MSRB3: variants seen among roughly 807,000 people sequenced by gnomAD.
MSRB3 encodes the protein methionine-R-sulfoxide reductase B3.
In MSRB3, 13 loss-of-function variants were observed where a neutral mutation model predicts 21.0. The ratio of observed to expected loss-of-function variants is 0.62; its 90% CI spans 0.40 to 0.98. The LOEUF is 0.98. Ranked by LOEUF, MSRB3 falls within the 50% of genes least tolerant of loss-of-function variation. The probability of loss-of-function intolerance (pLI) is 0.00; values close to 1 mark genes in which losing one functional copy is unlikely to be tolerated. For synonymous variants in MSRB3, 87 were observed against 88.6 expected, an observed-to-expected ratio of 0.98 and a Z score of 0.10; for missense variants, 199 against 230.3, an observed-to-expected ratio of 0.86 and a Z score of 0.88.
Position 65,331,433 on chromosome 12 carries a change from G to A in MSRB3, c.263+2830G>A, listed in dbSNP as rs572562843. The stretch of plus-strand genomic sequence containing the variant: ...CCCCTCCGTACACACAGGGCTGAGG[G>A]CTAGACCTTGTTGGAGAGGGCATGG... On this transcript the variant is annotated intron_variant, in intron 4 of 6. Coordinates refer to ENST00000308259, the MANE Select transcript of MSRB3 (RefSeq NM_001031679.3). 4.6e-5 allele frequency among the ~76,000 whole-genome samples: 7 copies of A among 152,336 alleles called. No homozygotes were observed. The East Asian group carries it at 1.3e-3, about 29-fold the overall frequency.
intron 2 of MSRB3, among the ~76,000 whole-genome samples, chr12:65,324,086 G>C (rs189097765): frequency 6.6e-6 from 1 of 152,190 alleles, no homozygotes; most frequent in Non-Finnish European, 1.5e-5. Flanking sequence ...ATAATCACTA[G>C]TATTTCTTAA....
chr12:65,391,491 T>A (rs1194210350), intron 5 of MSRB3, among the ~76,000 whole-genome samples: 1 of 152,154 alleles, frequency 6.6e-6, no homozygotes, highest in African/African-American at 2.4e-5. Flanking sequence ...ATTTCTGACT[T>A]TACAGATGTA....
intron 5 of MSRB3, among the ~76,000 whole-genome samples, chr12:65,442,002 A>G (rs1882404450): frequency 6.6e-6 from 1 of 152,100 alleles, no homozygotes; most frequent in African/African-American, 2.4e-5. Context: ...TTCTAAAGAT[A>G]GTTGAAAACT....
intron 5 of MSRB3, among the ~76,000 whole-genome samples, chr12:65,381,683 TAA>T (rs1259871552): frequency 6.6e-6 from 1 of 152,102 alleles, no homozygotes; most frequent in Non-Finnish European, 1.5e-5. Context: ...GAACATTTTA[TAA>T]GAGGTTCTTT....
At chr12:65,328,445 A>T in intron 3 of MSRB3, 81 bp from the exon 4 acceptor site, 1 of 994,522 alleles carries the variant, frequency 1.0e-6, no homozygotes, top group Non-Finnish European at 1.6e-6. Flanking sequence ...AAGATTTATT[A>T]GAGAAATATA....
chr12:65,384,021 T>C (rs1281936954), intron 5 of MSRB3, among the ~76,000 whole-genome samples: 1 of 152,228 alleles, frequency 6.6e-6, no homozygotes, highest in Non-Finnish European at 1.5e-5. Context: ...TTACTATACA[T>C]GGCTGTATAT....
At chr12:65,421,161 C>T (rs11175760) in intron 5 of MSRB3, among the ~76,000 whole-genome samples, 2,093 of 152,274 alleles carry the variant, frequency 0.014, 45 homozygotes, top group African/African-American at 0.048. Context: ...TCCTTTCTGA[C>T]TCATGTGAGG....
chr12:65,371,199 A>G (rs10784446), intron 5 of MSRB3, among the ~76,000 whole-genome samples: 99,238 of 151,676 alleles, frequency 0.65, 32,580 homozygotes, highest in Admixed American at 0.72. Context: ...GTGGTGGCAC[A>G]TGCCTGTAGT....
At chr12:65,406,355 A>G (rs1272929023) in intron 5 of MSRB3, among the ~76,000 whole-genome samples, 1 of 152,238 alleles carries the variant, frequency 6.6e-6, no homozygotes, top group Non-Finnish European at 1.5e-5. Flanking sequence ...AGCTACTAAA[A>G]AGCTAAAATA....
At chr12:65,353,490 T>C (rs1877171045) in intron 4 of MSRB3, among the ~76,000 whole-genome samples, 1 of 152,194 alleles carries the variant, frequency 6.6e-6, no homozygotes, top group Admixed American at 6.5e-5. Flanking sequence ...TGGCCTTCTT[T>C]GTCCCTTTTG....
At position 65,463,541 on chromosome 12, in the gene MSRB3, C is replaced by T; in HGVS notation, c.*219C>T. 1 of 553,484 alleles carries T rather than the reference C, an allele frequency of 1.8e-6. No homozygotes were observed. The highest frequency in any genetic ancestry group is 3.2e-6 in the Non-Finnish European group (1 of 317,104). The allele number at this position is 553,484 out of a possible 1,614,324, so 34.3% of individuals were successfully genotyped here. A position where few individuals can be genotyped will look rare whatever the true frequency, so the allele number is the denominator to read the frequency against. On this transcript the variant is annotated 3_prime_UTR_variant, in exon 7 of 7. Transcript: ENST00000308259. ...TTATAGCTTTAGCAAATGGAGACAG[C>T]TTTGTGAAACTTCTTCACAAGCCAC... is the stretch of plus-strand genomic sequence containing the variant.
intron 5 of MSRB3, among the ~76,000 whole-genome samples, chr12:65,412,416 G>A (rs1384661306): frequency 6.6e-6 from 1 of 152,110 alleles, no homozygotes; most frequent in African/African-American, 2.4e-5. Context: ...ATTGTGTGCT[G>A]TATTCAAAGG....
chr12:65,405,598 ACATACCCCAGTAG>A (rs1880370590), intron 5 of MSRB3, among the ~76,000 whole-genome samples: 1 of 152,114 alleles, frequency 6.6e-6, no homozygotes, highest in South Asian at 2.1e-4. Flanking sequence ...TTTTTTGGAT[ACATACCCCAGTAG>A]TGGGATTTCT....
At chr12:65,377,468 T>G (rs1266410259) in intron 5 of MSRB3, among the ~76,000 whole-genome samples, 4 of 151,976 alleles carry the variant, frequency 2.6e-5, no homozygotes. Flanking sequence ...CCTGGCTAAT[T>G]TTTGTATTTT....
intron 4 of MSRB3, among the ~76,000 whole-genome samples, chr12:65,335,539 C>T (rs1875708734): frequency 6.6e-6 from 1 of 152,176 alleles, no homozygotes; most frequent in Non-Finnish European, 1.5e-5. Context: ...AACTGTGCTA[C>T]TTCATGCATG....
In MSRB3 at chr12:65,357,780, G is replaced by T. The variant is rs1313955694; in HGVS notation, c.264-11218G>T. 4.6e-5 allele frequency among the ~76,000 whole-genome samples: 7 copies of T among 152,028 alleles called. No homozygotes were observed. The South Asian group carries it at 1.5e-3, about 32-fold the overall frequency. On this transcript the variant is annotated intron_variant, in intron 4 of 6. Coordinates refer to ENST00000308259, the MANE Select transcript of MSRB3 (RefSeq NM_001031679.3). ...GTATTTTTCTCATAACTAGATTGGG[G>T]TTATGGTTTTTTTGGAGGAAGATCA... is the stretch of plus-strand genomic sequence containing the variant.
At chr12:65,403,389 G>A (rs1213110979) in intron 5 of MSRB3, among the ~76,000 whole-genome samples, 1 of 152,218 alleles carries the variant, frequency 6.6e-6, no homozygotes, top group Non-Finnish European at 1.5e-5. Context: ...AATTTCTGGC[G>A]GCTTTGTTTA....
intron 3 of MSRB3, among the ~76,000 whole-genome samples, chr12:65,328,287 A>G (rs748098886): frequency 4.2e-4 from 64 of 152,206 alleles, no homozygotes; most frequent in African/African-American, 1.3e-3. Context: ...TAAGCATTAC[A>G]TAACTAGATG....
intron 5 of MSRB3, among the ~76,000 whole-genome samples, chr12:65,425,593 T>C (rs1289582849): frequency 6.6e-6 from 1 of 152,170 alleles, no homozygotes; most frequent in African/African-American, 2.4e-5. Flanking sequence ...ATTTTAAGGC[T>C]GATAACAAGT....
Sources: allele counts gnomAD v4.1 joint callset (sites outside exome capture counted in the v4.1 genomes callset), GRCh38; gene constraint gnomAD v4.1.1; transcripts MANE v1.5; gene names NCBI Gene and HGNC (gene_info 2026-07-23, HGNC 2026-07-21).